Variants in CA10 observed in about 807,000 individuals in gnomAD.
CA10 encodes carbonic anhydrase-related protein 10.
In CA10, 14 loss-of-function variants were observed where a neutral mutation model predicts 44.2. The observed-to-expected ratio is 0.32, with a 90% confidence interval of 0.21 to 0.50. The LOEUF (loss-of-function observed/expected upper bound fraction) is 0.50. Ranked by LOEUF, CA10 falls within the 20% of genes least tolerant of loss-of-function variation. CA10 has a pLI of 0.99. For synonymous variants in CA10, 159 were observed against 141.6 expected, an observed-to-expected ratio of 1.12 and a Z score of -0.87; for missense variants, 350 against 409.7, an observed-to-expected ratio of 0.85 and a Z score of 1.26.
chr17:51,864,044 G>T (rs1466876009), intron 3 of CA10, among the ~76,000 whole-genome samples: 2 of 152,108 alleles, frequency 1.3e-5, no homozygotes, highest in African/African-American at 4.8e-5. Context: ...TAATCACACA[G>T]TTGGTCTTTC....
rs1916210270 is a variant in CA10, at chr17:51,717,841, A to ATATATACGTG, written c.465+29791_465+29792insCACGTATATA. On this transcript the variant is annotated intron_variant, in intron 4 of 8. Transcript: ENST00000451037. ...TATATATGTGTGTGTATATATATAT[A>ATATATACGTG]TATATATATATATATATATATATAT... 5.4e-5 allele frequency among the ~76,000 whole-genome samples: 4 copies of ATATATACGTG among 73,776 alleles called. No homozygotes were observed. The Admixed American group carries it at 6.5e-4, about 12-fold the overall frequency. The allele number at this position is 73,776 out of a possible 152,430, so 48.4% of individuals were successfully genotyped here.
intron 2 of CA10, among the ~76,000 whole-genome samples, chr17:51,974,397 A>C (rs970267343): frequency 1.6e-4 from 15 of 94,744 alleles, no homozygotes; most frequent in South Asian, 1.4e-3. Context: ...AAAAAAAAAA[A>C]ACAAAAACAA....
At chr17:52,131,524 A>G (rs1265480370) in intron 1 of CA10, among the ~76,000 whole-genome samples, 1 of 152,232 alleles carries the variant, frequency 6.6e-6, no homozygotes, top group Non-Finnish European at 1.5e-5. Context: ...TGTGACTAAC[A>G]TTATAGCTCA....
At chr17:51,950,766 G>A (rs917720403) in intron 2 of CA10, among the ~76,000 whole-genome samples, 4 of 152,132 alleles carry the variant, frequency 2.6e-5, no homozygotes, top group Admixed American at 2.6e-4. Context: ...TTCTTCCCAA[G>A]ACCCTGAATG....
intron 1 of CA10, among the ~76,000 whole-genome samples, chr17:52,116,950 T>C (rs890994049): frequency 6.6e-6 from 1 of 152,194 alleles, no homozygotes; most frequent in African/African-American, 2.4e-5. Flanking sequence ...TTGGTCCCAC[T>C]GGTGAGGTTA....
chr17:52,074,674 C>T (rs1392208394), intron 1 of CA10, among the ~76,000 whole-genome samples: 4 of 151,978 alleles, frequency 2.6e-5, no homozygotes, highest in African/African-American at 9.7e-5. Flanking sequence ...AGTGTTTACA[C>T]ATCACTTTAA....
intron 4 of CA10, among the ~76,000 whole-genome samples, chr17:51,679,545 G>A (rs1168324547): frequency 5.5e-5 from 8 of 145,666 alleles, no homozygotes; most frequent in Admixed American, 1.4e-4. Flanking sequence ...ACAGGCATGA[G>A]CCACCGTGCC....
chr17:52,072,057 C>T (rs964369904), intron 2 of CA10, among the ~76,000 whole-genome samples: 3 of 152,298 alleles, frequency 2.0e-5, no homozygotes, highest in African/African-American at 7.2e-5. Context: ...CAAATGTCAG[C>T]AGACACAGCT....
intron 4 of CA10, among the ~76,000 whole-genome samples, chr17:51,693,586 T>C (rs937402684): frequency 6.6e-6 from 1 of 152,212 alleles, no homozygotes; most frequent in East Asian, 1.9e-4. Context: ...AGTGAGAACA[T>C]GCAGTATTTG....
At position 51,921,812 on chromosome 17, in the gene CA10, A is replaced by G. The variant is rs555483379; in HGVS notation, c.279+9178T>C. Among the ~76,000 whole-genome samples the G allele has an allele frequency of 3.3e-5, 5 of 152,286 alleles. No homozygotes were observed. The East Asian group carries it at 7.7e-4, about 24-fold the overall frequency. On this transcript the variant is annotated intron_variant, in intron 3 of 8. Coordinates refer to ENST00000451037, the MANE Select transcript of CA10 (RefSeq NM_020178.5). ...TTCACATGTAGTGTTCTTACAGAAT[A>G]TGTTGCTCGGCCTGAATCTGTGACA...
chr17:51,735,912 A>G (rs1306187595), intron 4 of CA10, among the ~76,000 whole-genome samples: 2 of 89,382 alleles, frequency 2.2e-5, no homozygotes, highest in Non-Finnish European at 2.6e-5. Context: ...CAAATCAGTG[A>G]TTGCCGGGGC....
chr17:51,930,846 A>T, intron 3 of CA10, 144 bp downstream of exon 3: 1 of 918,412 alleles, frequency 1.1e-6, no homozygotes, highest in East Asian at 2.4e-5. Flanking sequence ...ACATATTTCT[A>T]TCTAATGGCG....
At chr17:51,723,301 C>G (rs142232257) in intron 4 of CA10, among the ~76,000 whole-genome samples, 1 of 152,112 alleles carries the variant, frequency 6.6e-6, no homozygotes. Context: ...TAAAAATTAG[C>G]GCTGAATGTC....
chr17:52,137,343 C>T (rs2143370719), intron 1 of CA10, among the ~76,000 whole-genome samples: 1 of 152,198 alleles, frequency 6.6e-6, no homozygotes, highest in East Asian at 1.9e-4. Context: ...TAAAATATTA[C>T]TATTATCTGT....
intron 2 of CA10, among the ~76,000 whole-genome samples, chr17:52,051,000 GGAAGGAAGGAAGGAAC>G (rs1272997009): frequency 1.5e-4 from 22 of 149,650 alleles, no homozygotes; most frequent in South Asian, 6.3e-4. Context: ...AGGGAAGGAA[GGAAGGAAGGAAGGAAC>G]GAAGGAAGGA....
At chr17:51,958,653 G>C (rs1983757560) in intron 2 of CA10, among the ~76,000 whole-genome samples, 1 of 152,070 alleles carries the variant, frequency 6.6e-6, no homozygotes, top group South Asian at 2.1e-4. Flanking sequence ...CTTTTCTCTA[G>C]ATAATTTACA....
intron 3 of CA10, among the ~76,000 whole-genome samples, chr17:51,765,806 G>A (rs538629203): frequency 2.0e-5 from 3 of 151,974 alleles, no homozygotes; most frequent in East Asian, 1.9e-4. Context: ...AGGTACCAGG[G>A]AGAGTCTGGA....
chr17:51,864,162 T>G (rs1249616256), intron 3 of CA10, among the ~76,000 whole-genome samples: 1 of 152,052 alleles, frequency 6.6e-6, no homozygotes, highest in Non-Finnish European at 1.5e-5. Flanking sequence ...TTCCAAGGGG[T>G]CCACCATGGA....
intron 1 of CA10, among the ~76,000 whole-genome samples, chr17:52,148,221 A>C (rs183401132): frequency 6.6e-6 from 1 of 152,342 alleles, no homozygotes; most frequent in African/African-American, 2.4e-5. Flanking sequence ...CACACTAACA[A>C]GGGAACAGTG....
Sources: gnomAD v4.1 joint callset for allele counts (sites outside exome capture counted in the v4.1 genomes callset) on GRCh38, gnomAD v4.1.1 for gene constraint, MANE v1.5 for transcripts, NCBI Gene and HGNC (gene_info 2026-07-23, HGNC 2026-07-21) for gene names.